The following SNX8 variants were observed in gnomAD, a reference collection of about 807,000 sequenced individuals.
SNX8 encodes the protein sorting nexin 8.
SNX8 carries 25 observed loss-of-function variants against 51.6 expected under a neutral mutation model. That is an observed-to-expected ratio of 0.48 (90% confidence interval 0.35 to 0.68). SNX8 has a LOEUF of 0.68. SNX8 is among the 30% of genes least tolerant of loss of function. SNX8 has a pLI of 0.00. For synonymous variants in SNX8, 324 were observed against 277.0 expected, an observed-to-expected ratio of 1.17 and a Z score of -1.68; for missense variants, 695 against 624.0, an observed-to-expected ratio of 1.11 and a Z score of -1.21.
intron 1 of SNX8, among the ~76,000 whole-genome samples, chr7:2,284,622 T>C (rs564370035): frequency 3.3e-5 from 5 of 151,554 alleles, no homozygotes; most frequent in Admixed American, 2.0e-4. Context: ...GCCAGGCTGG[T>C]CTCGATCTCC....
chr7:2,255,112 G>A lies in SNX8; in HGVS notation c.1342C>T (p.His448Tyr). The part of the protein sequence containing the change: ...PKLSCLFAGP[H>Y]STLTPPCSPP... ...GAGCACGGTGGGGTCAGGGTGCTGT[G>A]TGGTCCCGCAAAGAGGCAGCTGAGC... Residue 448 changes from histidine to tyrosine, a missense_variant, in exon 11 of 11, where the codon CAC becomes TAC. Physicochemically the swap from His to Tyr is moderately conservative, Grantham distance 83. Coordinates refer to ENST00000222990, the MANE Select transcript of SNX8 (RefSeq NM_013321.4). 6.3e-7 allele frequency: 1 copy of A among 1,581,324 alleles called. No individual in the cohort carries two copies. The highest frequency in any genetic ancestry group is 8.6e-7 in the Non-Finnish European group (1 of 1,164,104).
In SNX8 at chr7:2,276,197, A is replaced by G. The variant is rs1383486948; in HGVS notation, c.301-968T>C. Reference sequence around the variant, plus strand: ...CCAGCCGCTGGCTCCCTGGCAGGCAACGGCACGTCTCACACGCTCAGAGTT... The same window carrying G: ...CCAGCCGCTGGCTCCCTGGCAGGCAGCGGCACGTCTCACACGCTCAGAGTT... On this transcript the variant is annotated intron_variant, in intron 2 of 10. Coordinates refer to ENST00000222990, the MANE Select transcript of SNX8 (RefSeq NM_013321.4). Among the ~76,000 whole-genome samples, 5 of 152,134 alleles carry G rather than the reference A, an allele frequency of 3.3e-5. No individual in the cohort carries two copies. In the East Asian group the frequency reaches 9.7e-4, roughly 29 times the overall value.
chr7:2,324,440 G>A (rs571818468), intron 1 of SNX8, among the ~76,000 whole-genome samples: 11 of 151,538 alleles, frequency 7.3e-5, no homozygotes, highest in Non-Finnish European at 1.5e-4. Flanking sequence ...ACAGGCATGC[G>A]CCACCACGCC....
chr7:2,295,366 T>C (rs1445811367), intron 1 of SNX8, among the ~76,000 whole-genome samples: 1 of 141,604 alleles, frequency 7.1e-6, no homozygotes, highest in Non-Finnish European at 1.5e-5. Flanking sequence ...TTCGTGCCAT[T>C]GCACCCAGCC....
chr7:2,313,523 CAAA>C (rs371626274), intron 1 of SNX8, among the ~76,000 whole-genome samples: 1 of 108,078 alleles, frequency 9.3e-6, no homozygotes, highest in Non-Finnish European at 2.2e-5. Context: ...GAATCTGTCT[CAAA>C]AAAAAAAAAA....
At chr7:2,255,198 A>C in intron 10 of SNX8, 29 bp from the exon 11 acceptor site, 2 of 1,406,296 alleles carry the variant, frequency 1.4e-6, no homozygotes, top group Non-Finnish European at 1.9e-6. Flanking sequence ...GAACAAGATC[A>C]GCAGGCGGGG....
rs962291099 is a variant in SNX8 at position 2,314,374 on chromosome 7, C to T, written c.48G>A (p.Ala16=). The change falls in exon 1 of 11, where the codon GCG becomes GCA. Residue 16 remains alanine (A), a synonymous_variant. Coordinates refer to ENST00000222990, the MANE Select transcript of SNX8 (RefSeq NM_013321.4). ...MDPLPAAAVG[A]AAEAEADEEA... is the part of the protein sequence containing the mutation. ...CCTCGTCAGCCTCCGCCTCAGCTGCCGCCCCGACTGCAGCCGCGGGCAGCG... is the reference window on the plus strand; with the variant it reads ...CCTCGTCAGCCTCCGCCTCAGCTGCTGCCCCGACTGCAGCCGCGGGCAGCG... 20 of 1,223,218 alleles carry T rather than the reference C, an allele frequency of 1.6e-5. No individual in the cohort carries two copies. In the East Asian group the frequency reaches 5.5e-4, roughly 34 times the overall value. The allele number at this position is 1,223,218 out of a possible 1,614,324, so 75.8% of individuals were successfully genotyped here.
At chr7:2,317,875 A>AT (rs1198471059), upstream of SNX8, among the ~76,000 whole-genome samples, 9 of 152,108 alleles carry the variant, frequency 5.9e-5, no homozygotes, top group Non-Finnish European at 1.3e-4. Flanking sequence ...TGATGGACAT[A>AT]TAACAACTTT....
In SNX8 at chr7:2,254,960, G is replaced by C; in HGVS notation, c.*96C>G. The C allele has an allele frequency of 1.2e-6, 1 of 851,140 alleles. No homozygotes were observed. Among genetic ancestry groups the C allele is most frequent in the Non-Finnish European group, 1.9e-6 (1 of 521,050 alleles). The allele number at this position is 851,140 out of a possible 1,614,324, so 52.7% of individuals were successfully genotyped here. On this transcript the variant is annotated 3_prime_UTR_variant, in exon 11 of 11. Coordinates refer to ENST00000222990, the MANE Select transcript of SNX8 (RefSeq NM_013321.4). ...CAGCTGCAGCACGGGGCGTGGCGGG[G>C]AGGGGAGCTGCCGTCCAAAGGGAAT...
chr7:2,321,662 C>T (rs936410990), intron 1 of SNX8, among the ~76,000 whole-genome samples: 16 of 150,720 alleles, frequency 1.1e-4, no homozygotes, highest in Admixed American at 7.3e-4. Context: ...GATCCGCCCT[C>T]CTCGGCCTCC....
chr7:2,276,336 A>G (rs576244875), intron 2 of SNX8, among the ~76,000 whole-genome samples: 1 of 152,342 alleles, frequency 6.6e-6, no homozygotes, highest in African/African-American at 2.4e-5. Flanking sequence ...GCCGGGAACC[A>G]CGGCAAAGCC....
In SNX8 at chr7:2,257,025, T is replaced by A; in HGVS notation, c.1135-2A>T. Reference sequence around the variant, plus strand: ...CATCGTCTGAATCGCGTTCTCCTGCTGCGGAGCAAACAGCCGCCTTTCGCA... The same window carrying A: ...CATCGTCTGAATCGCGTTCTCCTGCAGCGGAGCAAACAGCCGCCTTTCGCA... On this transcript the variant is annotated splice_acceptor_variant, in intron 9 of 10. Transcript: ENST00000222990. LOFTEE classifies it high-confidence loss of function. 1.3e-6 allele frequency: 2 copies of A among 1,598,072 alleles called. No homozygotes were observed. Among genetic ancestry groups the A allele is most frequent in the South Asian group, 1.1e-5 (1 of 90,118 alleles).
chr7:2,259,025 C>T (rs1291820594), intron 7 of SNX8, among the ~76,000 whole-genome samples: 1 of 152,206 alleles, frequency 6.6e-6, no homozygotes, highest in Non-Finnish European at 1.5e-5. Context: ...TCGGTGGGGG[C>T]GCAGGCCAGG....
intron 2 of SNX8, among the ~76,000 whole-genome samples, chr7:2,275,976 C>A (rs1795769386): frequency 6.7e-6 from 1 of 148,204 alleles, no homozygotes; most frequent in Admixed American, 6.9e-5. Context: ...CCAGCCTGGG[C>A]GGCAGAGCGA....
intron 1 of SNX8, among the ~76,000 whole-genome samples, chr7:2,312,616 C>T (rs570295468): frequency 1.3e-5 from 2 of 152,174 alleles, no homozygotes; most frequent in Non-Finnish European, 2.9e-5. Context: ...CCACCAAATG[C>T]AACAATCCCT....
chr7:2,286,108 T>G (rs1796022566), intron 1 of SNX8, among the ~76,000 whole-genome samples: 2 of 150,898 alleles, frequency 1.3e-5, no homozygotes, highest in Admixed American at 1.3e-4. Context: ...AAGTCCCAGG[T>G]TCAAGCGATT....
chr7:2,292,981 C>A (rs1796188015), intron 1 of SNX8, among the ~76,000 whole-genome samples: 1 of 151,992 alleles, frequency 6.6e-6, no homozygotes, highest in Non-Finnish European at 1.5e-5. Flanking sequence ...AATCGTGCCA[C>A]TGCACTCCAG....
intron 1 of SNX8, among the ~76,000 whole-genome samples, chr7:2,327,552 T>C (rs981883376): frequency 2.0e-5 from 3 of 152,040 alleles, no homozygotes; most frequent in Non-Finnish European, 2.9e-5. Context: ...GGACTACATG[T>C]GCCCGCCACC....
rs180690871 is a variant in SNX8, at chr7:2,304,295, A to C, written c.94+10033T>G. Among the ~76,000 whole-genome samples the C allele has an allele frequency of 1.0e-3, 156 of 152,212 alleles. 1 individual carries two copies. Among genetic ancestry groups the C allele is most frequent in the African/African-American group, 3.4e-3 (142 of 41,528 alleles). ...CACGGCAGCTCACGCCTGGAATCCC[A>C]GCACTTTGGGAGGCCAAGGTGGGCA... is the stretch of plus-strand genomic sequence containing the variant. On this transcript the variant is annotated intron_variant, in intron 1 of 10. Transcript: ENST00000222990.
Sources: gnomAD v4.1 joint callset for allele counts (sites outside exome capture counted in the v4.1 genomes callset) on GRCh38, gnomAD v4.1.1 for gene constraint, MANE v1.5 for transcripts, NCBI Gene and HGNC (gene_info 2026-07-23, HGNC 2026-07-21) for gene names.